The following TRHDE variants were observed in gnomAD, a reference collection of about 807,000 sequenced individuals.
The protein encoded by TRHDE is thyrotropin releasing hormone degrading enzyme.
Under a neutral mutation model 125.7 loss-of-function variants are expected in TRHDE, and 72 were observed. The ratio of observed to expected loss-of-function variants is 0.57; its 90% confidence interval spans 0.47 to 0.70. TRHDE has a LOEUF of 0.70. Among genes scored for constraint, TRHDE ranks in the 30% least tolerant of loss-of-function variants. TRHDE has a pLI of 0.00. For missense variants in TRHDE, 1,110 were observed against 1,327.1 expected (o/e 0.84, Z 2.54); for synonymous variants, 509 against 509.1 (o/e 1.00, Z 0.00).
chr12:72,394,025 G>A (rs549437122), intron 3 of TRHDE, among the ~76,000 whole-genome samples: 3 of 152,156 alleles, frequency 2.0e-5, no homozygotes, highest in Admixed American at 2.0e-4. Context: ...ACAAACATAG[G>A]TATATATTAC....
intron 2 of TRHDE, among the ~76,000 whole-genome samples, chr12:72,373,866 T>A (rs1871740678): frequency 6.6e-6 from 1 of 152,076 alleles, no homozygotes; most frequent in South Asian, 2.1e-4. Flanking sequence ...AGGGATTAGA[T>A]TAGTATAGGA....
In TRHDE at chr12:72,494,218, G is replaced by T. The variant is rs899681259; in HGVS notation, c.1585-5280G>T. Among the ~76,000 whole-genome samples the T allele has an allele frequency of 4.0e-4, 61 of 152,116 alleles. 1 individual carries two copies. Among genetic ancestry groups the T allele is most frequent in the Admixed American group, 1.6e-3 (24 of 15,242 alleles). ...TGAATGGCAGATATCCAGTCTGGAG[G>T]CTTCTATGTATCTGCCTTTTATCCT... On this transcript the variant is annotated intron_variant, in intron 5 of 18. Coordinates refer to ENST00000261180, the MANE Select transcript of TRHDE (RefSeq NM_013381.3).
intron 3 of TRHDE, chr12:72,431,603 A>T (rs932752837): frequency 6.6e-6 from 1 of 151,842 alleles, no homozygotes; most frequent in Non-Finnish European, 1.5e-5. Context: ...TGGGGAAAAA[A>T]TACCTAATGT....
intron 6 of TRHDE, among the ~76,000 whole-genome samples, chr12:72,512,629 C>T (rs1565772309): frequency 7.3e-6 from 1 of 137,298 alleles, no homozygotes; most frequent in Non-Finnish European, 1.5e-5. Context: ...TCATATATAT[C>T]ATATTATCAT....
At chr12:72,645,269 C>T (rs1874235141) in intron 15 of TRHDE, among the ~76,000 whole-genome samples, 1 of 151,994 alleles carries the variant, frequency 6.6e-6, no homozygotes, top group African/African-American at 2.4e-5. Context: ...AGATATAAAA[C>T]ATTTAAAAGT....
chr12:72,640,095 C>A (rs185764149), intron 15 of TRHDE, among the ~76,000 whole-genome samples: 5 of 152,322 alleles, frequency 3.3e-5, no homozygotes, highest in Non-Finnish European at 7.3e-5. Context: ...GGACGCCCCT[C>A]CCCCAGCCTC....
chr12:72,606,067 T>C (rs41387445), intron 12 of TRHDE, among the ~76,000 whole-genome samples: 25,344 of 152,142 alleles, frequency 0.17, 2,669 homozygotes, highest in East Asian at 0.54. Flanking sequence ...GTTTCCACAG[T>C]GTTGACCAAC....
chr12:72,180,869 G>T (rs1877083416), intron 2 of TRHDE, among the ~76,000 whole-genome samples: 1 of 152,176 alleles, frequency 6.6e-6, no homozygotes, highest in African/African-American at 2.4e-5. Context: ...GACCCTGACT[G>T]TAGAAGAGCT....
chr12:72,596,719 T>C (rs1041128072), intron 12 of TRHDE, among the ~76,000 whole-genome samples: 2 of 152,126 alleles, frequency 1.3e-5, no homozygotes, highest in Non-Finnish European at 2.9e-5. Context: ...TAAAGATATC[T>C]CCATTCAGCA....
At chr12:72,652,928 T>A in intron 16 of TRHDE, 88 bp from the exon 17 acceptor site, 1 of 1,100,988 alleles carries the variant, frequency 9.1e-7, no homozygotes, top group Non-Finnish European at 1.3e-6. Flanking sequence ...TTGAAGAATA[T>A]GACAAACTAG....
At chr12:72,468,845 G>A (rs968736471) in intron 3 of TRHDE, among the ~76,000 whole-genome samples, 1 of 152,140 alleles carries the variant, frequency 6.6e-6, no homozygotes, top group Admixed American at 6.5e-5. Context: ...TACCATTTCT[G>A]GTCCAGGGAG....
chr12:72,374,550 G>A (rs1871786498), intron 2 of TRHDE, among the ~76,000 whole-genome samples: 1 of 152,074 alleles, frequency 6.6e-6, no homozygotes, highest in Non-Finnish European at 1.5e-5. Context: ...ATTGAAACCT[G>A]GGAACCCTCC....
intron 2 of TRHDE, among the ~76,000 whole-genome samples, chr12:72,133,180 A>G (rs1394262341): frequency 6.6e-6 from 1 of 152,228 alleles, no homozygotes; most frequent in Non-Finnish European, 1.5e-5. Context: ...TTGACAATTT[A>G]AAGATGAATT....
intron 2 of TRHDE, among the ~76,000 whole-genome samples, chr12:72,128,417 G>A (rs561018335): frequency 1.3e-5 from 2 of 152,212 alleles, no homozygotes; most frequent in African/African-American, 4.8e-5. Flanking sequence ...ATTTAATCCA[G>A]GATTACCAAG....
intron 5 of TRHDE, among the ~76,000 whole-genome samples, chr12:72,487,276 C>T (rs1333130359): frequency 6.6e-6 from 1 of 152,070 alleles, no homozygotes; most frequent in Non-Finnish European, 1.5e-5. Flanking sequence ...GTGATATTGT[C>T]AGTAGTCCCC....
chr12:72,575,318 G>C lies in TRHDE; in HGVS notation c.2195G>C (p.Gly732Ala). The C allele has an allele frequency of 6.2e-7, 1 of 1,613,468 alleles. No homozygotes were observed. Among genetic ancestry groups the C allele is most frequent in the Non-Finnish European group, 8.5e-7 (1 of 1,179,688 alleles). Reference sequence around the variant, plus strand: ...CTGCTGGGGAACATCAATCAAACTGGCTATTTTAGAGTCAACTATGACCTA... The same window carrying C: ...CTGCTGGGGAACATCAATCAAACTGCCTATTTTAGAGTCAACTATGACCTA... ...SWLLGNINQT[G>A]YFRVNYDLRN... is the part of the protein sequence containing the mutation. Residue 732 changes from glycine (G) to alanine (A), a missense_variant, in exon 11 of 19, where the codon GGC becomes GCC. Gly to Ala is a moderately conservative substitution (Grantham distance 60, BLOSUM62 0). This residue lies in a region of TRHDE where 527 missense variants were observed against 651.8 expected (regional missense o/e 0.81). Transcript: ENST00000261180.
intron 3 of TRHDE, among the ~76,000 whole-genome samples, chr12:72,444,260 G>A (rs554295610): frequency 3.9e-5 from 6 of 151,944 alleles, no homozygotes; most frequent in African/African-American, 7.2e-5. Context: ...AGTCACACTT[G>A]TAACCCCCAA....
intron 12 of TRHDE, among the ~76,000 whole-genome samples, chr12:72,614,378 G>C (rs1196417806): frequency 6.9e-6 from 1 of 145,218 alleles, no homozygotes; most frequent in Non-Finnish European, 1.5e-5. Flanking sequence ...GGTTGACAGA[G>C]AGACTTCCCT....
intron 14 of TRHDE, 115 bp from the exon 15 acceptor site, chr12:72,621,529 A>G: frequency 1.3e-6 from 1 of 759,892 alleles, no homozygotes; most frequent in Non-Finnish European, 2.1e-6. Flanking sequence ...ACTCAGCAGC[A>G]TAGGATTTCC....
Sources: allele counts gnomAD v4.1 joint callset (sites outside exome capture counted in the v4.1 genomes callset), GRCh38; gene constraint gnomAD v4.1.1; regional missense constraint gnomAD v4.1.1; transcripts MANE v1.5; gene names NCBI Gene and HGNC (gene_info 2026-07-23, HGNC 2026-07-21).